PPP1R3B: variants seen among roughly 807,000 people sequenced by gnomAD.
The protein encoded by PPP1R3B is PP1 subunit R4.
A neutral mutation model predicts 14.6 loss-of-function variants in PPP1R3B; 8 were observed. The ratio of observed to expected loss-of-function variants is 0.55; its 90% CI spans 0.32 to 0.99. The LOEUF (loss-of-function observed/expected upper bound fraction) is 0.99, where lower values mean the gene tolerates loss of function less well. PPP1R3B is among the 50% of genes least tolerant of loss of function. The pLI, the probability that PPP1R3B is intolerant of heterozygous loss-of-function variation, is 0.04. For missense variants in PPP1R3B, 452 were observed against 360.1 expected (o/e 1.26, Z -2.07); for synonymous variants, 169 against 142.0 (o/e 1.19, Z -1.35).
upstream of PPP1R3B, chr8:9,150,811 C>G (rs969106946): frequency 1.3e-5 from 2 of 152,366 alleles, no homozygotes; most frequent in African/African-American, 4.8e-5. Flanking sequence ...CCCGCGCGGC[C>G]GCCTGGCCTC....
In PPP1R3B at chr8:9,139,869, A is replaced by G. The variant is rs1236021736; in HGVS notation, c.*925T>C. ...CGGCCCCAAAATTCTTTCATAAAGA[A>G]TGAGACAAACCAGCCAAGCACGTTA... On this transcript the variant is annotated 3_prime_UTR_variant, in exon 2 of 2. Coordinates refer to ENST00000310455, the MANE Select transcript of PPP1R3B (RefSeq NM_024607.4). 6.6e-6 allele frequency: 1 copy of G among 152,250 alleles called. No individual in the cohort carries two copies. Among genetic ancestry groups the G allele is most frequent in the Non-Finnish European group, 1.5e-5 (1 of 68,070 alleles). The allele number at this position is 152,250 out of a possible 1,614,324, so 9.4% of individuals were successfully genotyped here.
rs900444979 is a variant in PPP1R3B, at chr8:9,140,487, C to T, written c.*307G>A. The T allele has an allele frequency of 2.6e-6, 1 of 383,854 alleles. No individual in the cohort carries two copies. The highest frequency in any genetic ancestry group is 3.8e-5 in the Admixed American group (1 of 26,450). 23.8% of individuals were successfully genotyped at this position (383,854 alleles called of 1,614,324 possible). A position where few individuals can be genotyped will look rare whatever the true frequency, so the allele number is the denominator to read the frequency against. ...AGAGGAGAGACTCCTCCAGCTTCAT[C>T]AGCACTGGCATAGGCTTGATTCCCA... On this transcript the variant is annotated 3_prime_UTR_variant, in exon 2 of 2. Coordinates refer to ENST00000310455, the MANE Select transcript of PPP1R3B (RefSeq NM_024607.4).
chr8:9,143,535 C>T (rs1194824104), intron 1 of PPP1R3B, among the ~76,000 whole-genome samples: 1 of 152,118 alleles, frequency 6.6e-6, no homozygotes, highest in African/African-American at 2.4e-5. Context: ...AACCCCATCT[C>T]TACTAAAATT....
intron 1 of PPP1R3B, among the ~76,000 whole-genome samples, chr8:9,144,431 C>G (rs1047041641): frequency 2.6e-5 from 4 of 152,102 alleles, no homozygotes; most frequent in African/African-American, 4.8e-5. Flanking sequence ...TGGACTCAAG[C>G]AATCCTCCCA....
chr8:9,149,582 C>A (rs888598004), intron 1 of PPP1R3B, among the ~76,000 whole-genome samples: 1 of 152,230 alleles, frequency 6.6e-6, no homozygotes, highest in Non-Finnish European at 1.5e-5. Flanking sequence ...AGCTGCCGAA[C>A]TGCATTCAGT....
rs76710054 is a variant in PPP1R3B, at chr8:9,137,621, G to A, written c.*3173C>T. The A allele has an allele frequency of 0.025, 3,853 of 152,580 alleles. 135 individuals carry two copies. The highest frequency in any genetic ancestry group is 0.14 in the South Asian group (654 of 4,830). 9.5% of individuals were successfully genotyped at this position (152,580 alleles called of 1,614,324 possible). On this transcript the variant is annotated 3_prime_UTR_variant, in exon 2 of 2. Transcript: ENST00000310455. ...CGGGACAGAACTGGGCCAAAAGGAA[G>A]AAGACTGTTTGCGGCAGGAGGGTAG...
rs774963978 is a variant in PPP1R3B, at chr8:9,141,467, C to G, written c.185G>C (p.Arg62Pro). 1.2e-6 allele frequency: 2 copies of G among 1,614,172 alleles called. No individual in the cohort carries two copies. Among genetic ancestry groups the G allele is most frequent in the Admixed American group, 1.7e-5 (1 of 60,022 alleles). ...PAVQEKKVKKRVSFADNQGLA... is the reference protein window; with the variant it reads ...PAVQEKKVKKPVSFADNQGLA... ...CCCCTGGTTGTCTGCGAAGGACACC[C>G]GCTTTTTCACCTTCTTCTCCTGGAC... The change falls in exon 2 of 2, where the codon CGG becomes CCG. Residue 62 changes from arginine to proline, a missense_variant. Transcript: ENST00000310455.
At chr8:9,142,546 A>C (rs1273965014) in intron 1 of PPP1R3B, among the ~76,000 whole-genome samples, 1 of 152,170 alleles carries the variant, frequency 6.6e-6, no homozygotes. Flanking sequence ...CACTCTCAGC[A>C]ATTTTCAAAT....
chr8:9,151,494 G>T (rs533435282), upstream of PPP1R3B: 24 of 179,352 alleles, frequency 1.3e-4, no homozygotes, highest in Non-Finnish European at 2.3e-4. Context: ...GTCCGTGCAC[G>T]AGAGCTGCGC....
chr8:9,148,572 A>G (rs1801311686), intron 1 of PPP1R3B, among the ~76,000 whole-genome samples: 2 of 152,168 alleles, frequency 1.3e-5, no homozygotes, highest in Non-Finnish European at 2.9e-5. Flanking sequence ...CTGGTGAGAG[A>G]CTGGGCCATG....
chr8:9,149,415 A>G (rs555741430), intron 1 of PPP1R3B, among the ~76,000 whole-genome samples: 38 of 151,904 alleles, frequency 2.5e-4, no homozygotes, highest in African/African-American at 8.7e-4. Flanking sequence ...AGGCAGGAGA[A>G]TGGCGTGAAC....
intron 1 of PPP1R3B, 22 bp from the exon 2 acceptor site, chr8:9,141,690 A>G: frequency 1.3e-6 from 2 of 1,591,536 alleles, no homozygotes; most frequent in Non-Finnish European, 1.7e-6. Flanking sequence ...GAAAGGGAAG[A>G]GAAGAAAGAA....
intron 1 of PPP1R3B, chr8:9,141,935 T>A: frequency 2.9e-6 from 1 of 342,068 alleles, no homozygotes; most frequent in South Asian, 5.7e-5. Flanking sequence ...CCACTAGTTT[T>A]AAAACTAAAT....
chr8:9,150,905 T>C (rs1462739256), upstream of PPP1R3B, among the ~76,000 whole-genome samples: 1 of 152,184 alleles, frequency 6.6e-6, no homozygotes, highest in Non-Finnish European at 1.5e-5. Flanking sequence ...TCGCGTTTTA[T>C]AGGGAAAATA....
At chr8:9,147,563 A>C (rs574412711) in intron 1 of PPP1R3B, among the ~76,000 whole-genome samples, 4 of 151,824 alleles carry the variant, frequency 2.6e-5, no homozygotes, top group African/African-American at 9.7e-5. Context: ...GAAACAGCCA[A>C]AGCAAAAGGA....
intron 1 of PPP1R3B, among the ~76,000 whole-genome samples, chr8:9,150,291 C>T (rs528346891): frequency 6.6e-6 from 1 of 152,296 alleles, no homozygotes; most frequent in Middle Eastern, 3.4e-3. Flanking sequence ...AGTCTTTCCT[C>T]TGTTTTCTCC....
At position 9,139,916 on chromosome 8, in the gene PPP1R3B, A is replaced by C. The variant is rs767450076; in HGVS notation, c.*878T>G. 2 of 152,098 alleles carry C rather than the reference A, an allele frequency of 1.3e-5. No individual in the cohort carries two copies. Among genetic ancestry groups the C allele is most frequent in the Non-Finnish European group, 2.9e-5 (2 of 68,038 alleles). The allele number at this position is 152,098 out of a possible 1,614,324, so 9.4% of individuals were successfully genotyped here. ...GTTAAAGTCATTGAGCTTTCGGGGG[A>C]AAAATCAGATTTTTCCGGTGACTCG... is the stretch of plus-strand genomic sequence containing the variant. On this transcript the variant is annotated 3_prime_UTR_variant, in exon 2 of 2. Coordinates refer to ENST00000310455, the MANE Select transcript of PPP1R3B (RefSeq NM_024607.4).
chr8:9,145,079 C>T (rs1402206449), intron 1 of PPP1R3B, among the ~76,000 whole-genome samples: 1 of 151,126 alleles, frequency 6.6e-6, no homozygotes, highest in African/African-American at 2.4e-5. Flanking sequence ...TCATTAAAGC[C>T]ATTATTTTAA....
rs550499892 is a variant in PPP1R3B at position 9,140,370 on chromosome 8, A to T, written c.*424T>A. ...AGGCCTGGCTGGCAGAGAGCACCCAAAGATGAACACAATGAACAGTGAGGG... is the reference window on the plus strand; with the variant it reads ...AGGCCTGGCTGGCAGAGAGCACCCATAGATGAACACAATGAACAGTGAGGG... On this transcript the variant is annotated 3_prime_UTR_variant, in exon 2 of 2. Transcript: ENST00000310455. The T allele has an allele frequency of 4.9e-6, 1 of 202,302 alleles. No individual in the cohort carries two copies. The highest frequency in any genetic ancestry group is 1.1e-4 in the East Asian group (1 of 9,362). 12.5% of individuals were successfully genotyped at this position (202,302 alleles called of 1,614,324 possible).
Sources: allele counts gnomAD v4.1 joint callset (sites outside exome capture counted in the v4.1 genomes callset), GRCh38; gene constraint gnomAD v4.1.1; transcripts MANE v1.5; gene names NCBI Gene and HGNC (gene_info 2026-07-23, HGNC 2026-07-21).